STPG2: variants seen among roughly 807,000 people sequenced by gnomAD.
The protein encoded by STPG2 is sperm-tail PG-rich repeat-containing protein 2.
Under a neutral mutation model 54.2 loss-of-function variants are expected in STPG2, and 56 were observed. The ratio of observed to expected loss-of-function variants is 1.03; its 90% CI spans 0.83 to 1.29. STPG2 has a LOEUF of 1.29. Ranked by LOEUF, STPG2 falls within the 50% of genes most tolerant of loss-of-function variation. The probability of loss-of-function intolerance (pLI) is 0.00; values close to 1 mark genes in which losing one functional copy is unlikely to be tolerated. For synonymous variants in STPG2, 200 were observed against 181.8 expected (o/e 1.10, Z -0.81); for missense variants, 596 against 544.9 (o/e 1.09, Z -0.93).
intron 8 of STPG2, among the ~76,000 whole-genome samples, chr4:97,888,384 G>C (rs1730656707): frequency 6.6e-6 from 1 of 152,216 alleles, no homozygotes. Flanking sequence ...CCAAGACCTT[G>C]GGAGCAGACC....
intron 7 of STPG2, among the ~76,000 whole-genome samples, chr4:97,969,395 CG>C (rs1424572520): frequency 1.3e-5 from 2 of 152,060 alleles, no homozygotes; most frequent in African/African-American, 4.8e-5. Context: ...ATCAAATGAC[CG>C]TAAATCTCTC....
intron 10 of STPG2, among the ~76,000 whole-genome samples, chr4:97,592,074 A>G (rs559174181): frequency 9.8e-5 from 15 of 152,344 alleles, no homozygotes; most frequent in African/African-American, 3.4e-4. Context: ...ACATTTAACA[A>G]AAGTTGAGAA....
At chr4:97,563,634 T>C (rs1233837392) in intron 10 of STPG2, among the ~76,000 whole-genome samples, 1 of 152,246 alleles carries the variant, frequency 6.6e-6, no homozygotes, top group South Asian at 2.1e-4. Context: ...TTCTTGTATG[T>C]TGTGTCTTTG....
rs1732523763 is a variant in STPG2 at position 97,568,888 on chromosome 4, GTTTT to G, written c.1321-9775_1321-9772del. Among the ~76,000 whole-genome samples, 3 of 138,016 alleles carry G rather than the reference GTTTT, an allele frequency of 2.2e-5. No homozygotes were observed. In the South Asian group the frequency reaches 7.2e-4, roughly 33 times the overall value. 90.5% of individuals were successfully genotyped at this position (138,016 alleles called of 152,430 possible). On this transcript the variant is annotated intron_variant, in intron 10 of 10. Transcript: ENST00000295268. ...TAATTTCTTTTCTTTTCTTTCTTTT[GTTTT>G]TTGTTTTGTTTTTTTTTTTGTTTGT... is the stretch of plus-strand genomic sequence containing the variant.
intron 10 of STPG2, among the ~76,000 whole-genome samples, chr4:97,711,019 T>C (rs1235940606): frequency 6.6e-6 from 1 of 151,508 alleles, no homozygotes; most frequent in African/African-American, 2.4e-5. Context: ...AGTATAAATA[T>C]ATAATATTAA....
chr4:98,066,287 C>T (rs1000318522), intron 5 of STPG2, among the ~76,000 whole-genome samples: 2 of 152,076 alleles, frequency 1.3e-5, no homozygotes, highest in African/African-American at 4.8e-5. Context: ...AGAGAAAAGT[C>T]ACACTTTAAT....
chr4:97,687,138 A>G (rs950089850), intron 10 of STPG2, among the ~76,000 whole-genome samples: 2 of 151,240 alleles, frequency 1.3e-5, no homozygotes, highest in East Asian at 2.0e-4. Context: ...TTTTAGTAGA[A>G]ACGGGGTTTC....
In STPG2 at chr4:97,487,441, A is replaced by G. The variant is rs1444473252; in HGVS notation, c.462+225258T>C. On this transcript the variant is annotated intron_variant, in intron 4 of 4. Transcript: ENST00000522676. ...AATTTTATATAAAACATACTTCAAT[A>G]AAGCTAAGAAACAAAATTCTTTGAT... 2.0e-5 allele frequency among the ~76,000 whole-genome samples: 3 copies of G among 151,604 alleles called. No homozygotes were observed. The Admixed American group carries it at 2.0e-4, about 10-fold the overall frequency.
intron 8 of STPG2, among the ~76,000 whole-genome samples, chr4:97,928,044 A>C (rs1054311880): frequency 5.3e-5 from 8 of 152,158 alleles, no homozygotes; most frequent in Admixed American, 3.9e-4. Context: ...CTTCCTTTCA[A>C]TCCTCTGGTA....
chr4:97,681,397 T>C (rs996892218), intron 10 of STPG2, among the ~76,000 whole-genome samples: 6 of 151,844 alleles, frequency 4.0e-5, no homozygotes, highest in Non-Finnish European at 8.9e-5. Context: ...TGTGCTATGG[T>C]AGGTATCAGT....
chr4:97,933,567 C>A (rs554275211), intron 8 of STPG2, among the ~76,000 whole-genome samples: 2 of 152,278 alleles, frequency 1.3e-5, no homozygotes, highest in Admixed American at 1.3e-4. Flanking sequence ...GATCCAGTTT[C>A]AATTTTCTGT....
At chr4:98,077,399 C>T (rs1401681919) in intron 5 of STPG2, among the ~76,000 whole-genome samples, 2 of 152,120 alleles carry the variant, frequency 1.3e-5, no homozygotes, top group Non-Finnish European at 1.5e-5. Context: ...CGTACCACCA[C>T]GCCCGCCTAA....
intron 8 of STPG2, among the ~76,000 whole-genome samples, chr4:97,875,498 A>G (rs771254636): frequency 1.5e-4 from 23 of 151,928 alleles, no homozygotes; most frequent in Non-Finnish European, 2.8e-4. Flanking sequence ...GAAAAAGGAA[A>G]TTATTTCAAA....
chr4:97,756,219 T>G (rs1725727881), intron 9 of STPG2, among the ~76,000 whole-genome samples: 1 of 152,184 alleles, frequency 6.6e-6, no homozygotes, highest in Non-Finnish European at 1.5e-5. Context: ...GTTTTGTTGT[T>G]GAGAAACCAT....
At chr4:98,020,570 T>C (rs1416402545) in intron 5 of STPG2, among the ~76,000 whole-genome samples, 1 of 152,190 alleles carries the variant, frequency 6.6e-6, no homozygotes, top group Non-Finnish European at 1.5e-5. Context: ...TTTCTATTGA[T>C]AGGAATAGTT....
chr4:98,125,170 T>G (rs767146572), intron 3 of STPG2, among the ~76,000 whole-genome samples: 1 of 152,196 alleles, frequency 6.6e-6, no homozygotes, highest in Non-Finnish European at 1.5e-5. Flanking sequence ...GAAGCCTACT[T>G]CTATCAATTC....
intron 10 of STPG2, among the ~76,000 whole-genome samples, chr4:97,696,254 A>T (rs1350370256): frequency 3.3e-5 from 5 of 152,222 alleles, no homozygotes; most frequent in African/African-American, 1.2e-4. Context: ...TTGACAAAGC[A>T]AACAAAAACA....
chr4:97,890,199 C>G (rs17027036), intron 8 of STPG2, among the ~76,000 whole-genome samples: 3,060 of 151,956 alleles, frequency 0.02, 111 homozygotes, highest in African/African-American at 0.07. Flanking sequence ...TGGCAAAAAT[C>G]AGGTCTACCA....
intron 5 of STPG2, among the ~76,000 whole-genome samples, chr4:98,065,777 C>T (rs570917020): frequency 1.3e-5 from 2 of 152,062 alleles, no homozygotes; most frequent in African/African-American, 2.4e-5. Flanking sequence ...ATGACTTCTT[C>T]GGGTCCTGAA....
Sources: allele counts gnomAD v4.1 joint callset (sites outside exome capture counted in the v4.1 genomes callset), GRCh38; gene constraint gnomAD v4.1.1; transcripts MANE v1.5; gene names NCBI Gene and HGNC (gene_info 2026-07-23, HGNC 2026-07-21).